The following ESRRG variants were observed in gnomAD, a reference collection of about 807,000 sequenced individuals.
ESRRG encodes estrogen-related receptor gamma.
A neutral mutation model predicts 44.0 loss-of-function variants in ESRRG; 13 were observed. The observed-to-expected ratio is 0.30, with a 90% confidence interval of 0.19 to 0.47. ESRRG has a LOEUF of 0.47. Ranked by LOEUF, ESRRG falls within the 20% of genes least tolerant of loss-of-function variation. The probability of loss-of-function intolerance (pLI) is 1.00; values close to 1 mark genes in which losing one functional copy is unlikely to be tolerated. For missense variants in ESRRG, 395 were observed against 580.6 expected (o/e 0.68, Z 3.29); for synonymous variants, 215 against 214.6 (o/e 1.00, Z -0.02).
At chr1:217,080,071 A>G (rs1312691422) in intron 1 of ESRRG, among the ~76,000 whole-genome samples, 1 of 152,198 alleles carries the variant, frequency 6.6e-6, no homozygotes, top group East Asian at 1.9e-4. Context: ...AGTTCTCTTT[A>G]AGATATATAT....
At chr1:217,081,244 T>TTTTTTTG (rs2091746373) in intron 1 of ESRRG, among the ~76,000 whole-genome samples, 1 of 143,912 alleles carries the variant, frequency 6.9e-6, no homozygotes, top group Non-Finnish European at 1.5e-5. Context: ...TTTTTTTTTT[T>TTTTTTTG]GAGACAGAGT....
At chr1:216,578,323 T>C (rs2062066329) in intron 3 of ESRRG, among the ~76,000 whole-genome samples, 1 of 152,064 alleles carries the variant, frequency 6.6e-6, no homozygotes, top group Non-Finnish European at 1.5e-5. Context: ...TAACAGTGCA[T>C]AGCACCCCCA....
chr1:217,131,609 A>T (rs917451798), intron 1 of ESRRG, among the ~76,000 whole-genome samples: 5 of 152,244 alleles, frequency 3.3e-5, no homozygotes, highest in Non-Finnish European at 7.3e-5. Context: ...TTTTATGTCA[A>T]AATGAAGTGA....
chr1:216,514,424 T>C (rs2148832840), intron 6 of ESRRG, among the ~76,000 whole-genome samples: 1 of 152,300 alleles, frequency 6.6e-6, no homozygotes, highest in South Asian at 2.1e-4. Context: ...AGCTTACATA[T>C]ATTCATTTCT....
At chr1:216,516,682 G>GAGAGAA (rs2044425805) in intron 6 of ESRRG, among the ~76,000 whole-genome samples, 2 of 91,682 alleles carry the variant, frequency 2.2e-5, no homozygotes, top group South Asian at 5.2e-4. Context: ...GAGAGAGAGA[G>GAGAGAA]AAACGACAAA....
chr1:216,533,240 T>G (rs1185023438), intron 5 of ESRRG, among the ~76,000 whole-genome samples: 5 of 152,074 alleles, frequency 3.3e-5, no homozygotes, highest in Admixed American at 3.3e-4. Context: ...CAAATTTAAT[T>G]ATTCTTTATG....
intron 1 of ESRRG, among the ~76,000 whole-genome samples, chr1:217,137,176 AG>A (rs1168795730): frequency 2.6e-5 from 4 of 152,190 alleles, no homozygotes; most frequent in Non-Finnish European, 5.9e-5. Flanking sequence ...AACCTCTACT[AG>A]TACCCCAAAG....
chr1:216,769,164 G>A (rs1237347303), intron 2 of ESRRG, among the ~76,000 whole-genome samples: 1 of 152,106 alleles, frequency 6.6e-6, no homozygotes, highest in Non-Finnish European at 1.5e-5. Flanking sequence ...AATTTAGCAG[G>A]AGAATTGAGG....
chr1:216,840,918 A>C (rs1279404200), intron 2 of ESRRG, among the ~76,000 whole-genome samples: 1 of 152,186 alleles, frequency 6.6e-6, no homozygotes, highest in East Asian at 1.9e-4. Flanking sequence ...TATAATAATA[A>C]TGGGAAAGTT....
At chr1:217,003,545 T>C (rs530734248) in intron 1 of ESRRG, among the ~76,000 whole-genome samples, 2 of 146,282 alleles carry the variant, frequency 1.4e-5, no homozygotes, top group South Asian at 4.2e-4. Context: ...ATACTAATAT[T>C]AGGCTTGAAA....
intron 2 of ESRRG, among the ~76,000 whole-genome samples, chr1:216,865,818 T>G (rs1385061563): frequency 6.6e-6 from 1 of 152,232 alleles, no homozygotes; most frequent in Non-Finnish European, 1.5e-5. Flanking sequence ...CTTTGCATTC[T>G]CTATGTGCTG....
At chr1:216,752,063 G>C (rs974915455) in intron 2 of ESRRG, among the ~76,000 whole-genome samples, 1 of 152,028 alleles carries the variant, frequency 6.6e-6, no homozygotes. Flanking sequence ...AGCACTGAAA[G>C]AAAATAGATG....
chr1:217,015,851 T>G (rs2150850946), intron 1 of ESRRG, among the ~76,000 whole-genome samples: 1 of 152,092 alleles, frequency 6.6e-6, no homozygotes, highest in East Asian at 1.9e-4. Flanking sequence ...TGTCTCAGCC[T>G]CCTGAGTATC....
At chr1:216,669,061 G>T (rs944443893) in intron 2 of ESRRG, among the ~76,000 whole-genome samples, 2 of 151,718 alleles carry the variant, frequency 1.3e-5, no homozygotes, top group African/African-American at 2.4e-5. Context: ...GTTTTTGAAT[G>T]CCCTCAAGCT....
intron 3 of ESRRG, among the ~76,000 whole-genome samples, chr1:216,641,522 T>A (rs1053469878): frequency 2.0e-5 from 3 of 152,212 alleles, no homozygotes; most frequent in African/African-American, 7.2e-5. Flanking sequence ...GTGCACAAAG[T>A]CAGTGGATCA....
At chr1:216,905,212 G>A (rs1234055205) in intron 2 of ESRRG, among the ~76,000 whole-genome samples, 1 of 152,104 alleles carries the variant, frequency 6.6e-6, no homozygotes, top group Non-Finnish European at 1.5e-5. Flanking sequence ...CCTTACTGGG[G>A]GCGACAAGGC....
At chr1:216,795,795 CAG>C (rs2094456804) in intron 2 of ESRRG, among the ~76,000 whole-genome samples, 1 of 152,098 alleles carries the variant, frequency 6.6e-6, no homozygotes, top group Admixed American at 6.5e-5. Flanking sequence ...GAGACAAAAA[CAG>C]AAATACATTC....
At chr1:216,746,475 T>C (rs1248036734) in intron 2 of ESRRG, among the ~76,000 whole-genome samples, 1 of 152,198 alleles carries the variant, frequency 6.6e-6, no homozygotes, top group African/African-American at 2.4e-5. Flanking sequence ...CACATAACCG[T>C]AAATAACAGA....
intron 1 of ESRRG, among the ~76,000 whole-genome samples, chr1:216,980,379 G>C (rs1018793033): frequency 3.3e-5 from 5 of 152,078 alleles, no homozygotes; most frequent in Non-Finnish European, 7.4e-5. Flanking sequence ...ACAACATTGA[G>C]ACAATGCACA....
Sources: allele counts gnomAD v4.1 joint callset (sites outside exome capture counted in the v4.1 genomes callset), GRCh38; gene constraint gnomAD v4.1.1; transcripts MANE v1.5; gene names NCBI Gene and HGNC (gene_info 2026-07-23, HGNC 2026-07-21).